TGFBR2: variants seen among roughly 807,000 people sequenced by gnomAD.
TGFBR2 encodes the protein transforming growth factor beta receptor 2, also known as TGF-beta receptor type-2.
In TGFBR2, 18 loss-of-function variants were observed where a neutral mutation model predicts 49.0. That is an observed-to-expected ratio of 0.37 (90% confidence interval 0.25 to 0.54). The LOEUF is 0.54. TGFBR2 is among the 20% of genes least tolerant of loss of function. The pLI, the probability that TGFBR2 is intolerant of heterozygous loss-of-function variation, is 0.85. For missense variants in TGFBR2, 525 were observed against 722.6 expected, an observed-to-expected ratio of 0.73 and a Z score of 3.13; for synonymous variants, 282 against 275.9, an observed-to-expected ratio of 1.02 and a Z score of -0.22.
At chr3:30,643,109 T>C (rs752899797) in intron 1 of TGFBR2, among the ~76,000 whole-genome samples, 31 of 152,338 alleles carry the variant, frequency 2.0e-4, no homozygotes, top group Non-Finnish European at 3.7e-4. Context: ...CAGGGCAAAG[T>C]ATCTATGACA....
At chr3:30,610,371 G>A (rs889153343) in intron 1 of TGFBR2, among the ~76,000 whole-genome samples, 8 of 151,940 alleles carry the variant, frequency 5.3e-5, no homozygotes, top group African/African-American at 1.7e-4. Context: ...CATGTTGAAT[G>A]TTTCCTTCTA....
At chr3:30,651,933 G>T (rs146548567) in intron 3 of TGFBR2, among the ~76,000 whole-genome samples, 1 of 152,124 alleles carries the variant, frequency 6.6e-6, no homozygotes, top group Non-Finnish European at 1.5e-5. Flanking sequence ...AAATACAAAT[G>T]CTGGCTCTAC....
Position 30,644,996 on chromosome 3 carries a change from T to G in TGFBR2, c.263+81T>G, listed in dbSNP as rs1485763671. 4 of 1,292,416 alleles carry G rather than the reference T, an allele frequency of 3.1e-6. No individual in the cohort carries two copies. The Admixed American group carries it at 7.2e-5, about 23-fold the overall frequency. The allele number at this position is 1,292,416 out of a possible 1,614,324, so 80.1% of individuals were successfully genotyped here. A position where few individuals can be genotyped will look rare whatever the true frequency, so the allele number is the denominator to read the frequency against. ...TCTCATAGTACACACAGTCAGTGTA[T>G]CTCTGTCTCCTAAATGTAAACACCT... On this transcript the variant is annotated intron_variant, in intron 2 of 6. Transcript: ENST00000295754.
chr3:30,639,403 C>G (rs1289051840), intron 1 of TGFBR2, among the ~76,000 whole-genome samples: 3 of 152,130 alleles, frequency 2.0e-5, no homozygotes, highest in Non-Finnish European at 4.4e-5. Context: ...ACTGAACAGC[C>G]TTAAGAGCAA....
At chr3:30,624,961 A>G (rs1698304334) in intron 1 of TGFBR2, among the ~76,000 whole-genome samples, 1 of 152,116 alleles carries the variant, frequency 6.6e-6, no homozygotes, top group African/African-American at 2.4e-5. Flanking sequence ...GACTGGGTTC[A>G]TGGATTTATA....
At chr3:30,629,145 C>T (rs543830265) in intron 1 of TGFBR2, among the ~76,000 whole-genome samples, 1 of 152,282 alleles carries the variant, frequency 6.6e-6, no homozygotes, top group South Asian at 2.1e-4. Flanking sequence ...ATAGGACTTT[C>T]TGCAATGATG....
intron 5 of TGFBR2, among the ~76,000 whole-genome samples, chr3:30,680,203 C>T (rs1389932488): frequency 6.9e-6 from 1 of 145,812 alleles, no homozygotes; most frequent in Admixed American, 7.2e-5. Flanking sequence ...TCTGTGCATC[C>T]TGGCAGTAGA....
intron 1 of TGFBR2, among the ~76,000 whole-genome samples, chr3:30,627,386 T>G (rs986010750): frequency 6.6e-6 from 1 of 152,114 alleles, no homozygotes; most frequent in African/African-American, 2.4e-5. Flanking sequence ...CTCAGTGGCA[T>G]GTATTTTATT....
intron 3 of TGFBR2, 29 bp downstream of exon 3, chr3:30,650,489 A>T (rs747794823): frequency 6.2e-7 from 1 of 1,612,468 alleles, no homozygotes; most frequent in African/African-American, 1.3e-5. Context: ...AGGGTGTGGG[A>T]CCTGAGATCT....
chr3:30,655,913 C>T, intron 3 of TGFBR2, among the ~76,000 whole-genome samples: 1 of 152,204 alleles, frequency 6.6e-6, no homozygotes, highest in East Asian at 1.9e-4. Flanking sequence ...TCTAGACCAG[C>T]AGCAGCAGGA....
chr3:30,627,472 A>C (rs905617627), intron 1 of TGFBR2, among the ~76,000 whole-genome samples: 1 of 151,942 alleles, frequency 6.6e-6, no homozygotes, highest in Non-Finnish European at 1.5e-5. Context: ...ACCACTACAA[A>C]AAGTTCACCT....
intron 1 of TGFBR2, among the ~76,000 whole-genome samples, chr3:30,635,100 C>T (rs375668323): frequency 6.7e-4 from 102 of 152,320 alleles, no homozygotes; most frequent in African/African-American, 2.4e-3. Context: ...AAACTGCTTG[C>T]TTCTCCCCAG....
At chr3:30,659,152 A>G (rs1699063382) in intron 3 of TGFBR2, among the ~76,000 whole-genome samples, 1 of 152,220 alleles carries the variant, frequency 6.6e-6, no homozygotes, top group African/African-American at 2.4e-5. Flanking sequence ...TCACGCCTCA[A>G]AATAGCTGGC....
intron 5 of TGFBR2, 77 bp from the exon 6 acceptor site, chr3:30,688,307 G>A (rs948587820): frequency 3.1e-6 from 5 of 1,599,756 alleles, no homozygotes; most frequent in Non-Finnish European, 4.3e-6. Context: ...TCCCCAGCCA[G>A]GCATCTCACC....
At chr3:30,614,613 A>G (rs902381358) in intron 1 of TGFBR2, among the ~76,000 whole-genome samples, 6 of 152,200 alleles carry the variant, frequency 3.9e-5, no homozygotes, top group Non-Finnish European at 2.9e-5. Context: ...TAATTTCCCA[A>G]TAATCATAGT....
At chr3:30,681,159 T>TG (rs34483287) in intron 5 of TGFBR2, among the ~76,000 whole-genome samples, 41,264 of 78,430 alleles carry the variant, frequency 0.53, 8,964 homozygotes, top group Admixed American at 0.62. Flanking sequence ...CCTTGTGAGA[T>TG]GAAAAAAAAA....
At chr3:30,642,956 T>C (rs1182892919) in intron 1 of TGFBR2, among the ~76,000 whole-genome samples, 1 of 152,180 alleles carries the variant, frequency 6.6e-6, no homozygotes, top group Non-Finnish European at 1.5e-5. Flanking sequence ...TGAAATGAAC[T>C]TGAGGCCCGA....
At chr3:30,620,343 G>A (rs947520479) in intron 1 of TGFBR2, among the ~76,000 whole-genome samples, 5 of 152,112 alleles carry the variant, frequency 3.3e-5, no homozygotes, top group Admixed American at 6.6e-5. Flanking sequence ...TTTAAAGGCC[G>A]AGGAAACTTG....
At chr3:30,648,023 A>G (rs2125407538) in intron 2 of TGFBR2, among the ~76,000 whole-genome samples, 1 of 152,276 alleles carries the variant, frequency 6.6e-6, no homozygotes, top group African/African-American at 2.4e-5. Context: ...GTGGAAATTG[A>G]CAACCTCTTC....
Sources: allele counts gnomAD v4.1 joint callset (sites outside exome capture counted in the v4.1 genomes callset), GRCh38; gene constraint gnomAD v4.1.1; transcripts MANE v1.5; gene names NCBI Gene and HGNC (gene_info 2026-07-23, HGNC 2026-07-21).